Variants in TRIM2 observed in about 807,000 individuals in gnomAD.
TRIM2 encodes tripartite motif-containing protein 2.
Under a neutral mutation model 75.2 loss-of-function variants are expected in TRIM2, and 20 were observed. The observed-to-expected ratio is 0.27, with a 90% confidence interval of 0.19 to 0.39. The LOEUF (loss-of-function observed/expected upper bound fraction) is 0.39, where lower values mean the gene tolerates loss of function less well. Among genes scored for constraint, TRIM2 ranks in the 10% least tolerant of loss-of-function variants. TRIM2 has a pLI of 1.00. For synonymous variants in TRIM2, 373 were observed against 388.3 expected (o/e 0.96, Z 0.46); for missense variants, 660 against 990.8 (o/e 0.67, Z 4.48).
At chr4:153,207,026 A>G in intron 1 of TRIM2, among the ~76,000 whole-genome samples, 1 of 152,138 alleles carries the variant, frequency 6.6e-6, no homozygotes, top group Non-Finnish European at 1.5e-5. Context: ...AAGTGCTGGG[A>G]TTACAGGTGC....
chr4:153,175,568 G>A (rs561304442), intron 1 of TRIM2, among the ~76,000 whole-genome samples: 1 of 152,274 alleles, frequency 6.6e-6, no homozygotes, highest in Admixed American at 6.5e-5. Context: ...TTGAATAGCA[G>A]GAGGAAGGCG....
intron 1 of TRIM2, among the ~76,000 whole-genome samples, chr4:153,233,672 G>A (rs1336204957): frequency 6.6e-6 from 1 of 152,134 alleles, no homozygotes. Context: ...CGTGGAGGTG[G>A]TAGGGAGGCA....
At chr4:153,212,761 T>C (rs1737411682) in intron 1 of TRIM2, among the ~76,000 whole-genome samples, 1 of 152,204 alleles carries the variant, frequency 6.6e-6, no homozygotes, top group Non-Finnish European at 1.5e-5. Context: ...TTTGTGGCTT[T>C]GGTGGGTGGT....
chr4:153,201,500 G>A (rs1324890130), upstream of TRIM2, among the ~76,000 whole-genome samples: 1 of 152,016 alleles, frequency 6.6e-6, no homozygotes, highest in Non-Finnish European at 1.5e-5. Context: ...TCTATAGGTT[G>A]TCTTTTCACT....
chr4:153,288,670 C>T (rs914507553), intron 3 of TRIM2, among the ~76,000 whole-genome samples: 1 of 151,974 alleles, frequency 6.6e-6, no homozygotes, highest in Non-Finnish European at 1.5e-5. Flanking sequence ...TTGCAAATAT[C>T]GGTTCTTTCC....
chr4:153,224,417 C>G (rs1381691002), intron 1 of TRIM2, among the ~76,000 whole-genome samples: 1 of 152,184 alleles, frequency 6.6e-6, no homozygotes, highest in African/African-American at 2.4e-5. Context: ...CTGGCCTGTT[C>G]TGGGCTAGGT....
intron 1 of TRIM2, among the ~76,000 whole-genome samples, chr4:153,263,528 T>C (rs1444904050): frequency 6.6e-6 from 1 of 152,240 alleles, no homozygotes; most frequent in East Asian, 1.9e-4. Flanking sequence ...GTCTACTATG[T>C]ACCAGGACAC....
intron 6 of TRIM2, among the ~76,000 whole-genome samples, chr4:153,297,189 T>C (rs769375206): frequency 6.6e-6 from 1 of 152,206 alleles, no homozygotes; most frequent in Non-Finnish European, 1.5e-5. Flanking sequence ...GGCTGAATCT[T>C]CGCAAAGACG....
intron 3 of TRIM2, among the ~76,000 whole-genome samples, chr4:153,280,496 T>C (rs1055821975): frequency 6.7e-6 from 1 of 149,476 alleles, no homozygotes; most frequent in Non-Finnish European, 1.5e-5. Flanking sequence ...GTGATACCCC[T>C]GTCTCAGCCT....
chr4:153,307,298 G>C lies in TRIM2; in HGVS notation c.1511-8187G>C, dbSNP rs550318844. On this transcript the variant is annotated intron_variant, in intron 6 of 11. Coordinates refer to ENST00000338700, the MANE Select transcript of TRIM2 (RefSeq NM_015271.5). The stretch of plus-strand genomic sequence containing the variant: ...GGAATGAAAGAATTACAGGTGAATA[G>C]TCTCAAATTATTTAATTCATTATAC... Among the ~76,000 whole-genome samples the C allele has an allele frequency of 7.9e-5, 12 of 152,266 alleles. No individual in the cohort carries two copies. The South Asian group carries it at 2.3e-3, about 29-fold the overall frequency.
chr4:153,205,441 G>T (rs764960454), intron 1 of TRIM2, among the ~76,000 whole-genome samples: 2 of 152,146 alleles, frequency 1.3e-5, no homozygotes, highest in Non-Finnish European at 2.9e-5. Flanking sequence ...CTGTCATTGC[G>T]ACCTGTAAGG....
At chr4:153,211,468 C>T (rs1736969834) in intron 1 of TRIM2, among the ~76,000 whole-genome samples, 1 of 149,460 alleles carries the variant, frequency 6.7e-6, no homozygotes, top group African/African-American at 2.5e-5. Context: ...TGCCTGCTTG[C>T]TTTTTTGTTT....
chr4:153,326,241 T>C (rs550319703), intron 10 of TRIM2, among the ~76,000 whole-genome samples: 40 of 152,334 alleles, frequency 2.6e-4, no homozygotes, highest in African/African-American at 9.1e-4. Context: ...TCGGGAAAAA[T>C]AGAAAATATG....
chr4:153,260,674 A>C (rs1316100959), intron 1 of TRIM2, among the ~76,000 whole-genome samples: 99 of 73,996 alleles, frequency 1.3e-3, no homozygotes, highest in South Asian at 3.5e-3. Flanking sequence ...AAACACACAC[A>C]CCCACCCACA....
intron 1 of TRIM2, among the ~76,000 whole-genome samples, chr4:153,154,691 A>G (rs1239714175): frequency 6.6e-6 from 1 of 152,190 alleles, no homozygotes. Flanking sequence ...ATAGCTTAGA[A>G]TTTGCCTAAA....
At chr4:153,251,492 A>C (rs1011934254) in intron 1 of TRIM2, among the ~76,000 whole-genome samples, 1 of 152,152 alleles carries the variant, frequency 6.6e-6, no homozygotes, top group Non-Finnish European at 1.5e-5. Flanking sequence ...CTTTTCATAA[A>C]GTTTTTATGT....
chr4:153,286,399 GGT>G (rs1760624886), intron 3 of TRIM2, among the ~76,000 whole-genome samples: 5 of 152,036 alleles, frequency 3.3e-5, no homozygotes, highest in Admixed American at 3.3e-4. Flanking sequence ...AAGGAAGATT[GGT>G]GTTAGTTCTT....
At chr4:153,264,896 G>C (rs1021388145) in intron 1 of TRIM2, among the ~76,000 whole-genome samples, 1 of 152,102 alleles carries the variant, frequency 6.6e-6, no homozygotes, top group African/African-American at 2.4e-5. Flanking sequence ...CCTTCAACAG[G>C]TCACTTGTGA....
intron 8 of TRIM2, among the ~76,000 whole-genome samples, chr4:153,316,834 C>T (rs112601891): frequency 1.4e-5 from 2 of 146,068 alleles, no homozygotes; most frequent in Non-Finnish European, 3.0e-5. Flanking sequence ...TTGTGAGACA[C>T]GTCGTCAAAG....
Sources: allele counts gnomAD v4.1 joint callset (sites outside exome capture counted in the v4.1 genomes callset), GRCh38; gene constraint gnomAD v4.1.1; transcripts MANE v1.5; gene names NCBI Gene and HGNC (gene_info 2026-07-23, HGNC 2026-07-21).